F13A1: variants seen among roughly 807,000 people sequenced by gnomAD.
F13A1 encodes the protein coagulation factor XIII A chain.
Under a neutral mutation model 80.1 loss-of-function variants are expected in F13A1, and 47 were observed. The observed-to-expected ratio is 0.59, with a 90% CI of 0.46 to 0.75. The LOEUF is 0.75. Ranked by LOEUF, F13A1 falls within the 30% of genes least tolerant of loss-of-function variation. The pLI is 0.00. For synonymous variants in F13A1, 349 were observed against 344.9 expected (o/e 1.01, Z -0.13); for missense variants, 817 against 930.4 (o/e 0.88, Z 1.59).
At chr6:6,221,497 T>C (rs933778743) in intron 8 of F13A1, among the ~76,000 whole-genome samples, 1 of 152,236 alleles carries the variant, frequency 6.6e-6, no homozygotes, top group Admixed American at 6.5e-5. Context: ...CATTTGGGTT[T>C]ATTCCCAGCT....
chr6:6,167,929 C>G lies in F13A1; in HGVS notation c.1748-311G>C, dbSNP rs190432494. Among the ~76,000 whole-genome samples the G allele has an allele frequency of 3.6e-3, 545 of 152,248 alleles. 2 individuals carry two copies. The highest frequency in any genetic ancestry group is 0.012 in the African/African-American group (503 of 41,548). On this transcript the variant is annotated intron_variant, in intron 12 of 14. Coordinates refer to ENST00000264870, the MANE Select transcript of F13A1 (RefSeq NM_000129.4). ...TGTGATTTTCATGGCAAAGAAGGAC[C>G]AATGGGTTTTAATGGTGGCTTTGAT...
chr6:6,241,495 T>C (rs1363212706), intron 6 of F13A1, among the ~76,000 whole-genome samples: 3 of 152,196 alleles, frequency 2.0e-5, no homozygotes, highest in Admixed American at 2.0e-4. Context: ...ATAATCATGA[T>C]TTGTTTTGAT....
Position 6,144,210 on chromosome 6 carries a change from C to A in F13A1, c.*1409G>T, listed in dbSNP as rs1463304029. On this transcript the variant is annotated 3_prime_UTR_variant, in exon 15 of 15. Coordinates refer to ENST00000264870, the MANE Select transcript of F13A1 (RefSeq NM_000129.4). ...TAAAATTGGATATTGGGAGACTTGG[C>A]AAATGCTGTGAGATTACTTAGTAAA... 2.0e-5 allele frequency: 3 copies of A among 152,126 alleles called. No homozygotes were observed. Among genetic ancestry groups the A allele is most frequent in the Admixed American group, 6.6e-5 (1 of 15,266 alleles). 9.4% of individuals were successfully genotyped at this position (152,126 alleles called of 1,614,324 possible).
In F13A1 at chr6:6,248,388, T is replaced by C. The variant is rs1757583201; in HGVS notation, c.722A>G (p.Tyr241Cys). 4.3e-6 allele frequency: 7 copies of C among 1,613,758 alleles called. No homozygotes were observed. The highest frequency in any genetic ancestry group is 5.1e-6 in the Non-Finnish European group (6 of 1,179,862). Residue 241 changes from tyrosine to cysteine, a missense_variant, in exon 6 of 15, where the codon TAT (tyrosine) becomes TGT (cysteine). Tyr to Cys is a radical substitution (Grantham distance 194, BLOSUM62 -2). Coordinates refer to ENST00000264870, the MANE Select transcript of F13A1 (RefSeq NM_000129.4). ...GTCCATTTGTGCTCTGTCCATCACA[T>C]ACAGGCAAGTGTCCAGGATGCCATC... ...FEDGILDTCLYVMDRAQMDLS... is the reference protein window; with the variant it reads ...FEDGILDTCLCVMDRAQMDLS...
intron 6 of F13A1, among the ~76,000 whole-genome samples, chr6:6,239,596 G>T (rs567971164): frequency 2.3e-4 from 35 of 152,210 alleles, no homozygotes; most frequent in African/African-American, 7.5e-4. Context: ...CATTTTTCAT[G>T]ATAACTATGA....
intron 3 of F13A1, among the ~76,000 whole-genome samples, chr6:6,287,544 G>A (rs1459777765): frequency 6.6e-5 from 10 of 152,172 alleles, no homozygotes; most frequent in African/African-American, 2.4e-4. Flanking sequence ...GATGTTCTGA[G>A]TGTTCTCATT....
chr6:6,149,937 TAAAC>T (rs1428853716), intron 14 of F13A1, among the ~76,000 whole-genome samples: 1 of 152,212 alleles, frequency 6.6e-6, no homozygotes, highest in Non-Finnish European at 1.5e-5. Context: ...ACATTAACAA[TAAAC>T]AAACCATCTG....
chr6:6,310,494 T>C (rs1341534959), intron 2 of F13A1, among the ~76,000 whole-genome samples: 1 of 152,190 alleles, frequency 6.6e-6, no homozygotes, highest in Non-Finnish European at 1.5e-5. Flanking sequence ...AGTACATTCT[T>C]AATAAATGTT....
At chr6:6,174,909 C>T in intron 11 of F13A1, 42 bp from the exon 12 acceptor site, 1 of 1,612,228 alleles carries the variant, frequency 6.2e-7, no homozygotes, top group Non-Finnish European at 8.5e-7. Context: ...AAATACAATC[C>T]ACCAGAGAGA....
At chr6:6,182,291 G>C (rs1262820643) in intron 10 of F13A1, 150 bp from the exon 11 acceptor site, 3 of 796,986 alleles carry the variant, frequency 3.8e-6, no homozygotes, top group Non-Finnish European at 6.2e-6. Flanking sequence ...GGGCCAAACA[G>C]GTTTTGAAAA....
At chr6:6,230,041 AG>A (rs1757329013) in intron 6 of F13A1, among the ~76,000 whole-genome samples, 1 of 152,236 alleles carries the variant, frequency 6.6e-6, no homozygotes, top group African/African-American at 2.4e-5. Context: ...CACATGGAGA[AG>A]GAAATCTCTA....
chr6:6,307,973 T>C (rs894548856), intron 2 of F13A1, among the ~76,000 whole-genome samples: 2 of 134,736 alleles, frequency 1.5e-5, no homozygotes, highest in African/African-American at 5.5e-5. Flanking sequence ...AGACTGCTCA[T>C]AGGATTTTTT....
intron 3 of F13A1, among the ~76,000 whole-genome samples, chr6:6,288,455 A>T (rs1402529874): frequency 1.3e-5 from 2 of 152,188 alleles, no homozygotes; most frequent in Non-Finnish European, 2.9e-5. Flanking sequence ...TATTTCAGTT[A>T]GCATAGTGCT....
chr6:6,300,174 A>G (rs1271543333), intron 3 of F13A1, among the ~76,000 whole-genome samples: 3 of 126,212 alleles, frequency 2.4e-5, no homozygotes, highest in Non-Finnish European at 4.5e-5. Context: ...GGGACATTTA[A>G]GTGTGCAGAG....
chr6:6,198,556 G>T (rs1052430918), intron 8 of F13A1, among the ~76,000 whole-genome samples: 1 of 152,114 alleles, frequency 6.6e-6, no homozygotes, highest in Non-Finnish European at 1.5e-5. Flanking sequence ...GCCCATTTTT[G>T]ATTGGTTCAA....
At chr6:6,267,355 C>T (rs1757859183) in intron 3 of F13A1, among the ~76,000 whole-genome samples, 1 of 152,206 alleles carries the variant, frequency 6.6e-6, no homozygotes, top group South Asian at 2.1e-4. Flanking sequence ...TGCCTAGGTG[C>T]CATGGCATCT....
intron 8 of F13A1, among the ~76,000 whole-genome samples, chr6:6,198,381 A>T (rs1300279528): frequency 3.3e-5 from 5 of 152,204 alleles, no homozygotes; most frequent in African/African-American, 7.2e-5. Flanking sequence ...CACTATAGAA[A>T]ATGTTCATAT....
chr6:6,254,259 A>G (rs1423980670), intron 4 of F13A1, among the ~76,000 whole-genome samples: 7 of 152,210 alleles, frequency 4.6e-5, no homozygotes, highest in African/African-American at 1.7e-4. Flanking sequence ...ATATCTATGC[A>G]AATTTAAAAT....
At chr6:6,215,972 A>ATTCCT (rs1439772935) in intron 8 of F13A1, among the ~76,000 whole-genome samples, 1 of 136,766 alleles carries the variant, frequency 7.3e-6, no homozygotes, top group Non-Finnish European at 1.6e-5. Context: ...CTTACAAGGG[A>ATTCCT]TGTGAAGGAC....
Sources: allele counts gnomAD v4.1 joint callset (sites outside exome capture counted in the v4.1 genomes callset), GRCh38; gene constraint gnomAD v4.1.1; transcripts MANE v1.5; gene names NCBI Gene and HGNC (gene_info 2026-07-23, HGNC 2026-07-21).